IL6ST: variants seen among roughly 807,000 people sequenced by gnomAD.
IL6ST encodes the protein interleukin 6 cytokine family signal transducer.
IL6ST carries 24 observed loss-of-function variants against 91.3 expected under a neutral mutation model. The observed-to-expected ratio is 0.26, with a 90% CI of 0.19 to 0.37. The LOEUF (loss-of-function observed/expected upper bound fraction) is 0.37, where lower values mean the gene tolerates loss of function less well. IL6ST is among the 10% of genes least tolerant of loss of function. The pLI, the probability that IL6ST is intolerant of heterozygous loss-of-function variation, is 1.00. For synonymous variants in IL6ST, 351 were observed against 373.6 expected (o/e 0.94, Z 0.70); for missense variants, 914 against 1,078.5 (o/e 0.85, Z 2.14).
intron 14 of IL6ST, chr5:55,950,066 G>A (rs778124285): frequency 1.0e-4 from 36 of 351,318 alleles, no homozygotes; most frequent in Non-Finnish European, 1.7e-4. Flanking sequence ...GAAAGGGTAC[G>A]CACAATCAAC....
chr5:55,973,269 T>C (rs992781066), intron 3 of IL6ST, among the ~76,000 whole-genome samples: 9 of 152,202 alleles, frequency 5.9e-5, no homozygotes, highest in Admixed American at 5.9e-4. Flanking sequence ...CCATCCCACG[T>C]TTTTCTTACG....
chr5:55,968,170 A>AAT lies in IL6ST; in HGVS notation c.491+104_491+105dup, dbSNP rs1426686761. 10 of 1,019,620 alleles carry AAT rather than the reference A, an allele frequency of 9.8e-6. No individual in the cohort carries two copies. The East Asian group carries it at 2.8e-4, about 29-fold the overall frequency. The allele number at this position is 1,019,620 out of a possible 1,614,324, so 63.2% of individuals were successfully genotyped here. ...TGAAATGTTACAGAATAAAAAATTA[A>AAT]ATGTTTTAAAATAGCATTTAATATT... On this transcript the variant is annotated intron_variant, in intron 5 of 16. Coordinates refer to ENST00000381298, the MANE Select transcript of IL6ST (RefSeq NM_002184.4).
chr5:55,986,741 T>C (rs1210111178), intron 1 of IL6ST, among the ~76,000 whole-genome samples: 1 of 152,232 alleles, frequency 6.6e-6, no homozygotes, highest in Non-Finnish European at 1.5e-5. Flanking sequence ...TTTAGGTTTA[T>C]AGTGTACATC....
intron 7 of IL6ST, 63 bp downstream of exon 7, chr5:55,963,289 A>C: frequency 8.4e-7 from 1 of 1,190,404 alleles, no homozygotes; most frequent in Non-Finnish European, 1.2e-6. Flanking sequence ...AAATGACTGA[A>C]ACTTTTTAAG....
intron 15 of IL6ST, among the ~76,000 whole-genome samples, chr5:55,942,978 GCTAAAT>G (rs1424981387): frequency 1.3e-5 from 2 of 152,004 alleles, no homozygotes; most frequent in African/African-American, 4.8e-5. Flanking sequence ...AATTAACAAA[GCTAAAT>G]CTAATCAGTG....
chr5:55,963,802 T>C (rs974554489), intron 6 of IL6ST, among the ~76,000 whole-genome samples: 1 of 152,174 alleles, frequency 6.6e-6, no homozygotes. Flanking sequence ...GGAACATACA[T>C]ACTGTAATTA....
In IL6ST at chr5:55,938,652, C is replaced by A; in HGVS notation, c.*2430G>T. The A allele has an allele frequency of 5.1e-6, 1 of 195,436 alleles. No individual in the cohort carries two copies. The highest frequency in any genetic ancestry group is 1.1e-5 in the Non-Finnish European group (1 of 93,890). The allele number at this position is 195,436 out of a possible 1,614,324, so 12.1% of individuals were successfully genotyped here. On this transcript the variant is annotated 3_prime_UTR_variant, in exon 17 of 17. Transcript: ENST00000381298. Reference sequence around the variant, plus strand: ...ACTAACTTTATTAGACTAGTTTTTACATAAATAACCAGATTTCTTTGCCTA... The same window carrying A: ...ACTAACTTTATTAGACTAGTTTTTAAATAAATAACCAGATTTCTTTGCCTA...
At position 55,939,178 on chromosome 5, in the gene IL6ST, T is replaced by G; in HGVS notation, c.*1904A>C. 4.7e-6 allele frequency: 1 copy of G among 213,130 alleles called. No homozygotes were observed. The highest frequency in any genetic ancestry group is 9.5e-6 in the Non-Finnish European group (1 of 105,272). 13.2% of individuals were successfully genotyped at this position (213,130 alleles called of 1,614,324 possible). On this transcript the variant is annotated 3_prime_UTR_variant, in exon 17 of 17. Coordinates refer to ENST00000381298, the MANE Select transcript of IL6ST (RefSeq NM_002184.4). ...ACAGCAAGACAAATCCAGCCCAGCC[T>G]TTGATGATCAACTTAAAAGCTGGAG...
rs570597563 is a variant in IL6ST at position 55,992,537 on chromosome 5, A to G, written c.-104+2247T>C. ...GAAGATTAAATGCCTTAATATGGGC[A>G]AAGTGCTCAAAACAGCAACTGGCAC... On this transcript the variant is annotated intron_variant, in intron 1 of 16. Coordinates refer to ENST00000381298, the MANE Select transcript of IL6ST (RefSeq NM_002184.4). Among the ~76,000 whole-genome samples the G allele has an allele frequency of 1.4e-4, 22 of 152,344 alleles. 1 individual carries two copies. In the East Asian group the frequency reaches 3.7e-3, roughly 25 times the overall value.
Position 55,988,563 on chromosome 5 carries a change from T to C in IL6ST, c.-103-5752A>G, listed in dbSNP as rs192472070. ...AGGCAGATCACCTGAGGTTGGGAGT[T>C]CGAGACCAGCCTGACCAACATAGAG... On this transcript the variant is annotated intron_variant, in intron 1 of 16. Transcript: ENST00000381298. Among the ~76,000 whole-genome samples, 743 of 151,962 alleles carry C rather than the reference T, an allele frequency of 4.9e-3. 5 individuals are homozygous for C. Among genetic ancestry groups the C allele is most frequent in the Non-Finnish European group, 6.9e-3 (471 of 67,962 alleles).
At chr5:55,986,813 G>A (rs530540451) in intron 1 of IL6ST, among the ~76,000 whole-genome samples, 23 of 152,010 alleles carry the variant, frequency 1.5e-4, no homozygotes, top group Non-Finnish European at 1.6e-4. Context: ...GTATATAATA[G>A]TATACTTCCA....
At chr5:55,991,359 G>A (rs546580639) in intron 1 of IL6ST, among the ~76,000 whole-genome samples, 175 of 152,206 alleles carry the variant, frequency 1.1e-3, no homozygotes, top group Non-Finnish European at 1.7e-3. Context: ...TAAGTCAATG[G>A]AGTCCATCGT....
chr5:55,956,003 G>A, intron 10 of IL6ST, 22 bp downstream of exon 10: 1 of 1,547,164 alleles, frequency 6.5e-7, no homozygotes, highest in Non-Finnish European at 8.9e-7. Flanking sequence ...CAAGAGTCAG[G>A]CTCCATCTCA....
rs773505761 is a variant in IL6ST at position 55,941,095 on chromosome 5, T to C, written c.2744A>G (p.Tyr915Cys). Residue 915 changes from tyrosine to cysteine, a missense_variant, in exon 17 of 17, where the codon TAC becomes TGC. Physicochemically the swap from Tyr to Cys is radical, Grantham distance 194 (BLOSUM62 -2). Coordinates refer to ENST00000381298, the MANE Select transcript of IL6ST (RefSeq NM_002184.4). Reference sequence around the variant, plus strand: ...ACTACTAGTCCTTCACTGAGGCATGTAGCCGCCTTGCCGTACAGTCTGTGG... The same window carrying C: ...ACTACTAGTCCTTCACTGAGGCATGCAGCCGCCTTGCCGTACAGTCTGTGG... ...YLPQTVRQGGYMPQ is the reference protein window; with the variant it reads ...YLPQTVRQGGCMPQ The C allele has an allele frequency of 1.9e-6, 3 of 1,611,520 alleles. No homozygotes were observed. The highest frequency in any genetic ancestry group is 2.5e-6 in the Non-Finnish European group (3 of 1,178,368).
At chr5:55,953,784 T>C (rs1207599186) in intron 11 of IL6ST, among the ~76,000 whole-genome samples, 1 of 152,182 alleles carries the variant, frequency 6.6e-6, no homozygotes, top group Non-Finnish European at 1.5e-5. Flanking sequence ...AGGCCAGGTG[T>C]TGGAGATCAG....
In IL6ST at chr5:55,951,624, T is replaced by C; in HGVS notation, c.1700-20A>G. 6.2e-7 allele frequency: 1 copy of C among 1,604,074 alleles called. No individual in the cohort carries two copies. Among genetic ancestry groups the C allele is most frequent in the Non-Finnish European group, 8.5e-7 (1 of 1,176,398 alleles). On this transcript the variant is annotated intron_variant, in intron 13 of 16. Transcript: ENST00000381298. ...TCACAGCTGGAAGAAATAAGAACTGTGCTTCATTCAACTATTCAATGCTTT... is the reference window on the plus strand; with the variant it reads ...TCACAGCTGGAAGAAATAAGAACTGCGCTTCATTCAACTATTCAATGCTTT...
chr5:55,956,283 T>C, intron 9 of IL6ST, 48 bp from the exon 10 acceptor site: 1 of 1,137,602 alleles, frequency 8.8e-7, no homozygotes, highest in Non-Finnish European at 1.3e-6. Flanking sequence ...AAATCTTGAA[T>C]AAAAAATCAG....
intron 15 of IL6ST, among the ~76,000 whole-genome samples, chr5:55,947,186 T>C (rs1271423450): frequency 6.6e-6 from 1 of 151,836 alleles, no homozygotes; most frequent in African/African-American, 2.4e-5. Context: ...GCAACAAGAG[T>C]GAAACTCTGT....
At chr5:55,990,509 T>C (rs1455449699) in intron 1 of IL6ST, among the ~76,000 whole-genome samples, 1 of 152,204 alleles carries the variant, frequency 6.6e-6, no homozygotes, top group African/African-American at 2.4e-5. Context: ...TACCCAAAGA[T>C]AAAGTACTGG....
Sources: gnomAD v4.1 joint callset for allele counts (sites outside exome capture counted in the v4.1 genomes callset) on GRCh38, gnomAD v4.1.1 for gene constraint, MANE v1.5 for transcripts, NCBI Gene and HGNC (gene_info 2026-07-23, HGNC 2026-07-21) for gene names.